The following CEP192 variants were observed in gnomAD, a reference collection of about 807,000 sequenced individuals.
The protein encoded by CEP192 is centrosomal protein 192, also known as centrosomal protein of 192 kDa.
A neutral mutation model predicts 271.8 loss-of-function variants in CEP192; 151 were observed. That is an observed-to-expected ratio of 0.56 (90% CI 0.49 to 0.64). The LOEUF (loss-of-function observed/expected upper bound fraction) is 0.64. Among genes scored for constraint, CEP192 ranks in the 30% least tolerant of loss-of-function variants. The pLI is 0.00. For synonymous variants in CEP192, 995 were observed against 1,076.5 expected, an observed-to-expected ratio of 0.92 and a Z score of 1.48; for missense variants, 2,910 against 3,020.5, an observed-to-expected ratio of 0.96 and a Z score of 0.86.
intron 3 of CEP192, among the ~76,000 whole-genome samples, chr18:13,005,431 G>A (rs1425416000): frequency 6.6e-6 from 1 of 152,148 alleles, no homozygotes; most frequent in Non-Finnish European, 1.5e-5. Context: ...TCAGTAAAGG[G>A]CATTGTGAAG....
intron 9 of CEP192, chr18:13,024,404 A>G: frequency 2.3e-6 from 1 of 435,794 alleles, no homozygotes; most frequent in South Asian, 1.7e-5. Flanking sequence ...TCATATACTT[A>G]GGTCTTGTTT....
rs572136503 is a variant in CEP192 at position 13,007,074 on chromosome 18, C to A, written c.291-1382C>A. ...TCAAGGAACATTTTTGTGTTTCTCC[C>A]TGGCAGATTTGTTTCCTTTTCTGCT... On this transcript the variant is annotated intron_variant, in intron 3 of 44. Coordinates refer to ENST00000506447, the MANE Select transcript of CEP192 (RefSeq NM_032142.4). Among the ~76,000 whole-genome samples the A allele has an allele frequency of 1.4e-4, 22 of 152,280 alleles. 2 individuals are homozygous for A. The South Asian group carries it at 4.6e-3, about 32-fold the overall frequency.
In CEP192 at chr18:13,018,614, T is replaced by G. The variant is rs929523749; in HGVS notation, c.924T>G (p.Thr308=). The G allele has an allele frequency of 5.3e-6, 8 of 1,500,538 alleles. No homozygotes were observed. The highest frequency in any genetic ancestry group is 7.1e-6 in the Non-Finnish European group (8 of 1,120,920). 93.0% of individuals were successfully genotyped at this position (1,500,538 alleles called of 1,614,324 possible). The change falls in exon 8 of 45, where the codon ACT becomes ACG. Residue 308 remains threonine, a splice_region_variant and synonymous_variant. Coordinates refer to ENST00000506447, the MANE Select transcript of CEP192 (RefSeq NM_032142.4). ...EESQVICLPG[T]SNSIGTGDSR... is the part of the protein sequence containing the mutation. ...GCCAAGTTATTTGTCTACCTGGGAC[T>G]AGTAAGTATAGAAATATGATTCTTT...
chr18:13,084,265 C>T (rs991565727), intron 30 of CEP192, among the ~76,000 whole-genome samples: 5 of 152,186 alleles, frequency 3.3e-5, no homozygotes, highest in South Asian at 2.1e-4. Flanking sequence ...TGCAGAGCTA[C>T]GGTGGGCTCC....
chr18:13,100,554 ATAT>A, intron 38 of CEP192, 42 bp downstream of exon 38: 2 of 1,425,228 alleles, frequency 1.4e-6, no homozygotes, highest in Non-Finnish European at 2.0e-6. Flanking sequence ...GTCTGCTGAT[ATAT>A]TGAGTCTAAT....
intron 43 of CEP192, 89 bp from the exon 44 acceptor site, chr18:13,117,496 A>G: frequency 1.1e-6 from 1 of 912,070 alleles, no homozygotes; most frequent in Non-Finnish European, 1.8e-6. Flanking sequence ...TACAAAATGT[A>G]TCTGTAATAA....
chr18:13,070,115 C>T (rs2037934196), intron 27 of CEP192, among the ~76,000 whole-genome samples: 1 of 151,816 alleles, frequency 6.6e-6, no homozygotes, highest in Admixed American at 6.6e-5. Flanking sequence ...GAGCCAAGAT[C>T]ACACCTCTGC....
In CEP192 at chr18:13,073,135, C is replaced by T. The variant is rs770621205; in HGVS notation, c.5566C>T (p.Leu1856=). The stretch of plus-strand genomic sequence containing the variant: ...TCGATTATCTTGCATGTTGGCTAGA[C>T]TAGAAATCAAACAACTTGGAAATCG... ...PTRLSCMLAR[L]EIKQLGNRSQ... Residue 1856 remains leucine, a synonymous_variant, in exon 30 of 45, where the codon CTA becomes TTA. Coordinates refer to ENST00000506447, the MANE Select transcript of CEP192 (RefSeq NM_032142.4). 6.2e-7 allele frequency: 1 copy of T among 1,612,916 alleles called. No homozygotes were observed. The highest frequency in any genetic ancestry group is 8.5e-7 in the Non-Finnish European group (1 of 1,179,698).
rs1339882340 is a variant in CEP192, at chr18:13,049,843, CACT to C, written c.2970_2972del (p.Leu991del). On this transcript the variant is annotated inframe_deletion, in exon 17 of 45. Transcript: ENST00000506447. ...GAGAGCTTCAGACCTTCCACGTCACCACTGAGTCATTCTTCTCCTAGTGAAATT... is the reference window on the plus strand; with the variant it reads ...GAGAGCTTCAGACCTTCCACGTCACCGAGTCATTCTTCTCCTAGTGAAATT... The C allele has an allele frequency of 6.2e-7, 1 of 1,613,912 alleles. No homozygotes were observed. Among genetic ancestry groups the C allele is most frequent in the Non-Finnish European group, 8.5e-7 (1 of 1,179,824 alleles).
chr18:13,081,991 C>G (rs1192557402), intron 30 of CEP192, among the ~76,000 whole-genome samples: 1 of 152,134 alleles, frequency 6.6e-6, no homozygotes, highest in Admixed American at 6.6e-5. Flanking sequence ...GATTTCTGTT[C>G]TTTTACATTT....
At position 13,049,285 on chromosome 18, in the gene CEP192, G is replaced by T. The variant is rs146768537; in HGVS notation, c.2494G>T (p.Val832Leu). 6.2e-7 allele frequency: 1 copy of T among 1,614,158 alleles called. No individual in the cohort carries two copies. Among genetic ancestry groups the T allele is most frequent in the Non-Finnish European group, 8.5e-7 (1 of 1,180,022 alleles). Residue 832 changes from valine to leucine, a missense_variant, in exon 16 of 45, where the codon GTA (valine) becomes TTA (leucine). Coordinates refer to ENST00000506447, the MANE Select transcript of CEP192 (RefSeq NM_032142.4). The part of the protein sequence containing the change: ...IHPVDLSATS[V>L]SVRAPEENTA... ...TCCGGTGGACTTAAGTGCTACTAGT[G>T]TAAGTGTGAGGGCACCAGAAGAAAA...
chr18:12,993,721 T>C (rs536112677), intron 1 of CEP192, among the ~76,000 whole-genome samples: 1 of 152,298 alleles, frequency 6.6e-6, no homozygotes, highest in East Asian at 1.9e-4. Context: ...ATTTGTGCTA[T>C]GTGGACTGGA....
intron 21 of CEP192, among the ~76,000 whole-genome samples, chr18:13,061,059 A>T (rs776288249): frequency 1.7e-4 from 26 of 152,342 alleles, no homozygotes; most frequent in Non-Finnish European, 2.9e-4. Context: ...GTGGTGTCTC[A>T]TGCCTGTAAT....
At chr18:13,019,010 C>T in intron 8 of CEP192, 72 bp from the exon 9 acceptor site, 2 of 1,369,214 alleles carry the variant, frequency 1.5e-6, no homozygotes, top group Non-Finnish European at 9.7e-7. Flanking sequence ...ATTTGACTGG[C>T]AAGAATCAGT....
chr18:13,065,674 T>C (rs2037657096), intron 21 of CEP192, among the ~76,000 whole-genome samples: 1 of 152,212 alleles, frequency 6.6e-6, no homozygotes, highest in East Asian at 1.9e-4. Flanking sequence ...TGGGAGGCTT[T>C]ACAAGTTATA....
At chr18:13,064,802 T>G (rs1462523383) in intron 21 of CEP192, among the ~76,000 whole-genome samples, 1 of 152,154 alleles carries the variant, frequency 6.6e-6, no homozygotes, top group Non-Finnish European at 1.5e-5. Context: ...TTGGGATAGC[T>G]TGTCTATTCT....
Position 13,059,100 on chromosome 18 carries a change from C to A in CEP192, c.4276C>A (p.Arg1426Ser). 6.2e-7 allele frequency: 1 copy of A among 1,612,738 alleles called. No homozygotes were observed. Among genetic ancestry groups the A allele is most frequent in the Non-Finnish European group, 8.5e-7 (1 of 1,178,854 alleles). ...TTTGAAGGTGGATCTTTCAACATAT[C>A]GTTGTTTAGTTTTCAAGAATAAAGC... ...NGEKVDLSTYRCLVFKNKAII... is the reference protein window; with the variant it reads ...NGEKVDLSTYSCLVFKNKAII... The change falls in exon 21 of 45, where the codon CGT (arginine) becomes AGT (serine). Residue 1426 changes from arginine to serine, a missense_variant. Transcript: ENST00000506447.
chr18:13,099,193 GGGGAGA>G (rs957096589), intron 36 of CEP192, among the ~76,000 whole-genome samples: 13 of 149,642 alleles, frequency 8.7e-5, no homozygotes, highest in East Asian at 4.0e-4. Context: ...GGAGGGGGAG[GGGGAGA>G]GGGAGAGGGA....
chr18:12,999,748 T>C (rs2033488165), intron 2 of CEP192, among the ~76,000 whole-genome samples, 160 bp downstream of exon 2: 1 of 152,104 alleles, frequency 6.6e-6, no homozygotes, highest in African/African-American at 2.4e-5. Flanking sequence ...ATTTACTGTC[T>C]TTTTCCCCAT....
Sources: gnomAD v4.1 joint callset for allele counts (sites outside exome capture counted in the v4.1 genomes callset) on GRCh38, gnomAD v4.1.1 for gene constraint, MANE v1.5 for transcripts, NCBI Gene and HGNC (gene_info 2026-07-23, HGNC 2026-07-21) for gene names.